Variants in JARID2 observed in about 807,000 individuals in gnomAD.
The protein encoded by JARID2 is jumonji and AT-rich interaction domain containing 2, also known as protein Jumonji.
Under a neutral mutation model 125.6 loss-of-function variants are expected in JARID2, and 21 were observed. The observed-to-expected ratio is 0.17, with a 90% CI of 0.12 to 0.24. The LOEUF (loss-of-function observed/expected upper bound fraction) is 0.24. JARID2 is among the 10% of genes least tolerant of loss of function. The pLI is 1.00. For synonymous variants in JARID2, 736 were observed against 661.6 expected, an observed-to-expected ratio of 1.11 and a Z score of -1.73; for missense variants, 1,303 against 1,639.6, an observed-to-expected ratio of 0.79 and a Z score of 3.55.
At chr6:15,276,645 A>G (rs890303222) in intron 1 of JARID2, among the ~76,000 whole-genome samples, 4 of 152,110 alleles carry the variant, frequency 2.6e-5, no homozygotes, top group Admixed American at 1.3e-4. Flanking sequence ...AGTGCTTTCT[A>G]CATTAGGTCG....
chr6:15,266,702 C>T (rs58339366), intron 1 of JARID2, among the ~76,000 whole-genome samples: 10,527 of 152,218 alleles, frequency 0.069, 1,242 homozygotes, highest in African/African-American at 0.24. Context: ...AATGTTTAAA[C>T]ATTTTTTGGG....
intron 2 of JARID2, among the ~76,000 whole-genome samples, chr6:15,408,498 C>T (rs1765741265): frequency 6.6e-6 from 1 of 152,114 alleles, no homozygotes; most frequent in African/African-American, 2.4e-5. Context: ...CCCCCACTCG[C>T]ATAGTGACAC....
intron 16 of JARID2, among the ~76,000 whole-genome samples, chr6:15,513,727 C>G (rs146428450): frequency 5.9e-4 from 90 of 152,346 alleles, no homozygotes; most frequent in African/African-American, 2.0e-3. Context: ...TTTGTCACTC[C>G]AGCCCCCACG....
chr6:15,506,291 C>G (rs1771002375), intron 9 of JARID2, among the ~76,000 whole-genome samples: 4 of 152,206 alleles, frequency 2.6e-5, no homozygotes, highest in Admixed American at 2.6e-4. Context: ...ACGCAGCAGG[C>G]TTGGGCACTC....
At chr6:15,275,533 GCCCCCCCCCCC>G (rs1426235884) in intron 1 of JARID2, among the ~76,000 whole-genome samples, 1 of 18,710 alleles carries the variant, frequency 5.3e-5, no homozygotes, top group Admixed American at 5.6e-4. Flanking sequence ...CGCCCCCCCC[GCCCCCCCCCCC>G]GTCTTTTGCC....
chr6:15,502,726 A>G (rs779878447), intron 8 of JARID2, among the ~76,000 whole-genome samples: 5 of 152,156 alleles, frequency 3.3e-5, no homozygotes, highest in African/African-American at 4.8e-5. Context: ...GGAAAGAGGT[A>G]CCCAGTTTTT....
At chr6:15,513,647 G>A (rs960608104) in intron 16 of JARID2, among the ~76,000 whole-genome samples, 2 of 152,210 alleles carry the variant, frequency 1.3e-5, no homozygotes, top group African/African-American at 2.4e-5. Context: ...CTGCCCACGC[G>A]TGGCCCTCCC....
intron 1 of JARID2, among the ~76,000 whole-genome samples, chr6:15,333,183 C>T (rs1174849839): frequency 2.0e-5 from 3 of 152,070 alleles, no homozygotes; most frequent in Admixed American, 6.6e-5. Context: ...CCACCCGCCT[C>T]GGCCTCCCAA....
intron 1 of JARID2, among the ~76,000 whole-genome samples, chr6:15,321,377 C>T (rs1054867604): frequency 1.6e-4 from 25 of 152,162 alleles, no homozygotes; most frequent in Non-Finnish European, 3.1e-4. Context: ...GTATTAATTA[C>T]GGCACATATT....
intron 1 of JARID2, among the ~76,000 whole-genome samples, chr6:15,285,139 T>A (rs2127385334): frequency 6.9e-6 from 1 of 145,368 alleles, no homozygotes; most frequent in Admixed American, 6.9e-5. Context: ...AAAGGAAGTC[T>A]TGCTCTTGTT....
Position 15,512,904 on chromosome 6 carries a change from T to C in JARID2, c.3136-11T>C. Reference sequence around the variant, plus strand: ...AAAATCCACCCTAAAGGGATGTGACTCCTCTTTCAGGAAATGAAGCGTCGC... The same window carrying C: ...AAAATCCACCCTAAAGGGATGTGACCCCTCTTTCAGGAAATGAAGCGTCGC... On this transcript the variant is annotated splice_polypyrimidine_tract_variant and intron_variant, in intron 14 of 17. Coordinates refer to ENST00000341776, the MANE Select transcript of JARID2 (RefSeq NM_004973.4). 6.2e-7 allele frequency: 1 copy of C among 1,613,138 alleles called. No individual in the cohort carries two copies. Among genetic ancestry groups the C allele is most frequent in the Non-Finnish European group, 8.5e-7 (1 of 1,179,700 alleles).
At chr6:15,399,293 G>T (rs1765334435) in intron 2 of JARID2, among the ~76,000 whole-genome samples, 1 of 152,150 alleles carries the variant, frequency 6.6e-6, no homozygotes, top group Admixed American at 6.5e-5. Context: ...TTCTCGGATA[G>T]CCTCCTGTCT....
intron 1 of JARID2, among the ~76,000 whole-genome samples, chr6:15,267,124 A>C (rs968577464): frequency 2.0e-5 from 3 of 152,208 alleles, no homozygotes; most frequent in Non-Finnish European, 4.4e-5. Context: ...CAAACAGTTA[A>C]GTTGTCTTCT....
chr6:15,513,915 G>A (rs1255316862), intron 16 of JARID2, among the ~76,000 whole-genome samples: 1 of 152,224 alleles, frequency 6.6e-6, no homozygotes, highest in Non-Finnish European at 1.5e-5. Context: ...AGCCCCCGAG[G>A]ACTTCAGAAT....
intron 1 of JARID2, among the ~76,000 whole-genome samples, chr6:15,267,569 G>C (rs979116637): frequency 6.6e-6 from 1 of 152,144 alleles, no homozygotes; most frequent in East Asian, 1.9e-4. Context: ...GAGTAAGCTG[G>C]TTCTAGTGAA....
At position 15,512,927 on chromosome 6, in the gene JARID2, C is replaced by T; in HGVS notation, c.3148C>T (p.Arg1050Cys). 1.2e-6 allele frequency: 2 copies of T among 1,613,712 alleles called. No homozygotes were observed. The highest frequency in any genetic ancestry group is 1.7e-6 in the Non-Finnish European group (2 of 1,179,920). ...ACTCCTCTTTCAGGAAATGAAGCGT[C>T]GCCATATAGCTAAGCCATTCTCCAT... is the stretch of plus-strand genomic sequence containing the variant. Reference protein sequence around the residue: ...GFETAKEMKRRHIAKPFSMEK... With the variant: ...GFETAKEMKRCHIAKPFSMEK... The change falls in exon 15 of 18, where the codon CGC becomes TGC. Residue 1050 changes from arginine to cysteine, a missense_variant. Transcript: ENST00000341776.
Position 15,260,124 on chromosome 6 carries a change from T to A in JARID2, c.45+13540T>A, listed in dbSNP as rs548790845. ...CATGAAAGTAATCCCCAGTGATGATTACATCTTCGAGTGGCAGAGATCAGA... is the reference window on the plus strand; with the variant it reads ...CATGAAAGTAATCCCCAGTGATGATAACATCTTCGAGTGGCAGAGATCAGA... On this transcript the variant is annotated intron_variant, in intron 1 of 17. Transcript: ENST00000341776. Among the ~76,000 whole-genome samples the A allele has an allele frequency of 2.0e-5, 3 of 152,328 alleles. No individual in the cohort carries two copies. The South Asian group carries it at 6.2e-4, about 32-fold the overall frequency.
intron 1 of JARID2, among the ~76,000 whole-genome samples, chr6:15,282,905 T>C (rs1760813905): frequency 6.6e-6 from 1 of 151,768 alleles, no homozygotes; most frequent in African/African-American, 2.4e-5. Context: ...CCGGTCTGAT[T>C]GTTGGTCTTT....
At chr6:15,510,755 G>C (rs772484994) in intron 12 of JARID2, among the ~76,000 whole-genome samples, 4 of 152,240 alleles carry the variant, frequency 2.6e-5, no homozygotes, top group Non-Finnish European at 5.9e-5. Flanking sequence ...AGTTGGCCTT[G>C]AGGTGGCACA....
Sources: allele counts gnomAD v4.1 joint callset (sites outside exome capture counted in the v4.1 genomes callset), GRCh38; gene constraint gnomAD v4.1.1; transcripts MANE v1.5; gene names NCBI Gene and HGNC (gene_info 2026-07-23, HGNC 2026-07-21).